ATP11B: variants seen among roughly 807,000 people sequenced by gnomAD.
The protein encoded by ATP11B is ATPase phospholipid transporting 11B (putative), also known as phospholipid-transporting ATPase IF.
A neutral mutation model predicts 157.8 loss-of-function variants in ATP11B; 81 were observed. The observed-to-expected ratio is 0.51, with a 90% confidence interval of 0.43 to 0.62. The LOEUF (loss-of-function observed/expected upper bound fraction) is 0.62, where lower values mean the gene tolerates loss of function less well. Ranked by LOEUF, ATP11B falls within the 20% of genes least tolerant of loss-of-function variation. The probability of loss-of-function intolerance (pLI) is 0.00; values close to 1 mark genes in which losing one functional copy is unlikely to be tolerated. For synonymous variants in ATP11B, 451 were observed against 469.4 expected (o/e 0.96, Z 0.51); for missense variants, 1,165 against 1,402.2 (o/e 0.83, Z 2.70).
intron 28 of ATP11B, among the ~76,000 whole-genome samples, chr3:182,908,999 G>A (rs1223643685): frequency 1.3e-5 from 2 of 152,118 alleles, no homozygotes; most frequent in African/African-American, 2.4e-5. Flanking sequence ...ACCTAGCATG[G>A]TTAATTGTTT....
chr3:182,801,915 A>G (rs1162151663), intron 1 of ATP11B, among the ~76,000 whole-genome samples: 4 of 152,226 alleles, frequency 2.6e-5, no homozygotes, highest in African/African-American at 9.6e-5. Context: ...AATTCTAAGC[A>G]GGAGATGTAG....
intron 21 of ATP11B, among the ~76,000 whole-genome samples, chr3:182,883,279 T>C (rs964755338): frequency 6.6e-6 from 1 of 151,708 alleles, no homozygotes. Context: ...TTTTTTGATA[T>C]AGAGCTTCAC....
At chr3:182,819,613 A>C (rs929696329) in intron 1 of ATP11B, among the ~76,000 whole-genome samples, 11 of 152,168 alleles carry the variant, frequency 7.2e-5, no homozygotes, top group Non-Finnish European at 1.3e-4. Flanking sequence ...TCATATCTCT[A>C]TTTCAGTAAG....
At chr3:182,812,657 G>A (rs889167966) in intron 1 of ATP11B, among the ~76,000 whole-genome samples, 5 of 152,158 alleles carry the variant, frequency 3.3e-5, no homozygotes, top group African/African-American at 1.2e-4. Flanking sequence ...GGACTTGCCT[G>A]ATGCAGAAAG....
Position 182,878,062 on chromosome 3 carries a change from C to A in ATP11B, c.2253-1434C>A, listed in dbSNP as rs1453441328. On this transcript the variant is annotated intron_variant, in intron 19 of 29. Transcript: ENST00000323116. The stretch of plus-strand genomic sequence containing the variant: ...GCACAAGTTGCCAAATAAAGTTTGG[C>A]CAATAGGGAAGAAAAATTGTCTATA... Among the ~76,000 whole-genome samples, 87 of 151,954 alleles carry A rather than the reference C, an allele frequency of 5.7e-4. 1 individual carries two copies. Among genetic ancestry groups the A allele is most frequent in the Non-Finnish European group, 8.8e-5 (6 of 68,000 alleles).
chr3:182,868,190 T>C (rs1348628701), intron 15 of ATP11B, among the ~76,000 whole-genome samples: 2 of 152,002 alleles, frequency 1.3e-5, no homozygotes, highest in African/African-American at 4.8e-5. Flanking sequence ...CTGTGATTTT[T>C]ATCTTTCAAA....
chr3:182,893,100 T>C (rs1205230900), intron 25 of ATP11B, among the ~76,000 whole-genome samples: 1 of 152,234 alleles, frequency 6.6e-6, no homozygotes, highest in African/African-American at 2.4e-5. Context: ...TACAGTAGTA[T>C]TGTCTTACCA....
At chr3:182,882,173 G>C (rs9810459) in intron 21 of ATP11B, among the ~76,000 whole-genome samples, 5,298 of 152,194 alleles carry the variant, frequency 0.035, 314 homozygotes, top group African/African-American at 0.12. Flanking sequence ...TATCAGGTCT[G>C]ATATTTTCTG....
At position 182,860,133 on chromosome 3, in the gene ATP11B, C is replaced by T. The variant is rs150185240; in HGVS notation, c.1200+774C>T. Among the ~76,000 whole-genome samples, 308 of 152,250 alleles carry T rather than the reference C, an allele frequency of 2.0e-3. 3 individuals carry two copies. The highest frequency in any genetic ancestry group is 0.01 in the Middle Eastern group (3 of 294). On this transcript the variant is annotated intron_variant, in intron 12 of 29. Coordinates refer to ENST00000323116, the MANE Select transcript of ATP11B (RefSeq NM_014616.3). Reference sequence around the variant, plus strand: ...CCTCTTTCTTGCATCCCATGTCTTCCTACCTGTGGCTTATTCTCTTTTGGT... The same window carrying T: ...CCTCTTTCTTGCATCCCATGTCTTCTTACCTGTGGCTTATTCTCTTTTGGT...
At chr3:182,911,441 G>A (rs796583523) in intron 28 of ATP11B, among the ~76,000 whole-genome samples, 46 of 152,150 alleles carry the variant, frequency 3.0e-4, no homozygotes, top group African/African-American at 1.0e-3. Flanking sequence ...TGGTAAAGGG[G>A]TTTGGGCTCT....
chr3:182,855,871 A>G (rs1007094693), intron 10 of ATP11B, among the ~76,000 whole-genome samples: 2 of 152,162 alleles, frequency 1.3e-5, no homozygotes, highest in Non-Finnish European at 2.9e-5. Context: ...AGAATAGTTA[A>G]AATAGTGATA....
At chr3:182,869,518 A>G (rs1721494098) in intron 17 of ATP11B, among the ~76,000 whole-genome samples, 187 bp downstream of exon 17, 1 of 152,176 alleles carries the variant, frequency 6.6e-6, no homozygotes, top group Non-Finnish European at 1.5e-5. Context: ...TTCTCTTCAA[A>G]CCTACTCTAC....
chr3:182,910,906 T>TA (rs528149964), intron 28 of ATP11B, among the ~76,000 whole-genome samples: 13 of 152,274 alleles, frequency 8.5e-5, no homozygotes, highest in African/African-American at 2.9e-4. Flanking sequence ...ACAAATACAA[T>TA]AAAAATGAAT....
chr3:182,802,023 A>G (rs1322481439), intron 1 of ATP11B, among the ~76,000 whole-genome samples: 2 of 152,206 alleles, frequency 1.3e-5, no homozygotes, highest in East Asian at 1.9e-4. Context: ...GCTTCAAAAC[A>G]TCATGTTGTG....
chr3:182,806,414 T>C (rs1252862102), intron 1 of ATP11B, among the ~76,000 whole-genome samples: 2 of 152,230 alleles, frequency 1.3e-5, no homozygotes, highest in Non-Finnish European at 2.9e-5. Context: ...GAAAAATTTT[T>C]AGCCATTTTT....
chr3:182,879,687 T>C lies in ATP11B; in HGVS notation c.2406+38T>C, dbSNP rs1252144092. ...GTTATAAAAAAGTCCCATAAAGCTA[T>C]TTAGATATAAACATATTATTTAAAG... On this transcript the variant is annotated intron_variant, in intron 20 of 29. Transcript: ENST00000323116. 1.9e-6 allele frequency: 3 copies of C among 1,548,240 alleles called. No homozygotes were observed. In the Admixed American group the frequency reaches 5.9e-5, roughly 30 times the overall value.
At chr3:182,808,596 G>A (rs1716468852) in intron 1 of ATP11B, among the ~76,000 whole-genome samples, 1 of 152,034 alleles carries the variant, frequency 6.6e-6, no homozygotes, top group Admixed American at 6.6e-5. Flanking sequence ...CCATAATGAT[G>A]ATGTTTCATG....
chr3:182,829,440 G>A (rs1483110244), intron 3 of ATP11B, among the ~76,000 whole-genome samples: 2 of 152,138 alleles, frequency 1.3e-5, no homozygotes, highest in Non-Finnish European at 2.9e-5. Context: ...ACTCCTTGGC[G>A]AATATTGAAG....
chr3:182,860,789 G>A (rs149366031), intron 12 of ATP11B, among the ~76,000 whole-genome samples: 8 of 151,602 alleles, frequency 5.3e-5, no homozygotes, highest in African/African-American at 1.9e-4. Flanking sequence ...CTAATATTTT[G>A]GTATTCTCTG....
Sources: gnomAD v4.1 joint callset for allele counts (sites outside exome capture counted in the v4.1 genomes callset) on GRCh38, gnomAD v4.1.1 for gene constraint, MANE v1.5 for transcripts, NCBI Gene and HGNC (gene_info 2026-07-23, HGNC 2026-07-21) for gene names.